The following DLG2 variants were observed in gnomAD, a reference collection of about 807,000 sequenced individuals.
The protein encoded by DLG2 is discs large MAGUK scaffold protein 2.
DLG2 carries 45 observed loss-of-function variants against 132.5 expected under a neutral mutation model. That is an observed-to-expected ratio of 0.34 (90% CI 0.27 to 0.44). The LOEUF (loss-of-function observed/expected upper bound fraction) is 0.44, where lower values mean the gene tolerates loss of function less well. Among genes scored for constraint, DLG2 ranks in the 20% least tolerant of loss-of-function variants. DLG2 has a pLI of 1.00. For synonymous variants in DLG2, 424 were observed against 419.6 expected, an observed-to-expected ratio of 1.01 and a Z score of -0.13; for missense variants, 1,045 against 1,196.9, an observed-to-expected ratio of 0.87 and a Z score of 1.87.
intron 11 of DLG2, among the ~76,000 whole-genome samples, chr11:84,041,046 G>A (rs2096064734): frequency 6.6e-6 from 1 of 151,596 alleles, no homozygotes; most frequent in East Asian, 1.9e-4. Context: ...GTATAAGAAT[G>A]CTTGTGATTT....
At chr11:84,614,642 C>T (rs2099600920) in intron 6 of DLG2, among the ~76,000 whole-genome samples, 1 of 152,082 alleles carries the variant, frequency 6.6e-6, no homozygotes, top group Non-Finnish European at 1.5e-5. Context: ...TAGTGAATGA[C>T]AAATATATAT....
At chr11:84,595,391 G>A (rs117555391) in intron 6 of DLG2, among the ~76,000 whole-genome samples, 5,530 of 151,880 alleles carry the variant, frequency 0.036, 146 homozygotes, top group Middle Eastern at 0.058. Context: ...GAGATTACAG[G>A]CATGAGCCAC....
intron 6 of DLG2, among the ~76,000 whole-genome samples, chr11:85,099,744 C>T (rs2070541366): frequency 6.6e-6 from 1 of 152,170 alleles, no homozygotes; most frequent in African/African-American, 2.4e-5. Flanking sequence ...AAATTAAGAG[C>T]ACTTGATGAT....
chr11:84,278,047 GTTTTTTT>G (rs55650627), intron 7 of DLG2, among the ~76,000 whole-genome samples: 9 of 99,606 alleles, frequency 9.0e-5, no homozygotes, highest in African/African-American at 2.3e-4. Flanking sequence ...GCCTGGCTAA[GTTTTTTT>G]TTTTTTTTTT....
chr11:84,163,451 T>G lies in DLG2; in HGVS notation c.624+10A>C, dbSNP rs372383200. ...ATTGGGGCTTTGGATTTTTCAAAATTTTTTCTTACCCTCTCCAGTGTAATT... is the reference window on the plus strand; with the variant it reads ...ATTGGGGCTTTGGATTTTTCAAAATGTTTTCTTACCCTCTCCAGTGTAATT... On this transcript the variant is annotated intron_variant, in intron 9 of 27. Transcript: ENST00000376104. 3.7e-6 allele frequency: 6 copies of G among 1,602,518 alleles called. No homozygotes were observed. Among genetic ancestry groups the G allele is most frequent in the Non-Finnish European group, 4.3e-6 (5 of 1,175,896 alleles).
chr11:85,126,286 T>A (rs949403799), intron 5 of DLG2, among the ~76,000 whole-genome samples: 1 of 152,110 alleles, frequency 6.6e-6, no homozygotes, highest in African/African-American at 2.4e-5. Context: ...GAAATTTAGG[T>A]TCTAAGTCAA....
intron 3 of DLG2, among the ~76,000 whole-genome samples, chr11:85,538,093 G>A (rs1299653560): frequency 6.6e-6 from 1 of 151,868 alleles, no homozygotes; most frequent in Non-Finnish European, 1.5e-5. Flanking sequence ...TCCAGCCTGG[G>A]TGACAGAGCG....
chr11:84,899,799 C>A (rs751054505), intron 6 of DLG2, among the ~76,000 whole-genome samples: 1 of 151,976 alleles, frequency 6.6e-6, no homozygotes, highest in Non-Finnish European at 1.5e-5. Flanking sequence ...CTTTAAGCAT[C>A]ACCTTGGGAA....
At chr11:85,615,538 G>C (rs1049837060) in intron 2 of DLG2, among the ~76,000 whole-genome samples, 2 of 151,842 alleles carry the variant, frequency 1.3e-5, no homozygotes, top group African/African-American at 4.8e-5. Flanking sequence ...ATTAAAAATT[G>C]CATCTTCAGC....
At chr11:84,628,525 A>G (rs914846619) in intron 6 of DLG2, among the ~76,000 whole-genome samples, 3 of 152,198 alleles carry the variant, frequency 2.0e-5, no homozygotes, top group Non-Finnish European at 2.9e-5. Context: ...CACTTTTATT[A>G]TAAGAACTAC....
chr11:85,524,033 A>C (rs1157755469), intron 3 of DLG2, among the ~76,000 whole-genome samples: 1 of 152,178 alleles, frequency 6.6e-6, no homozygotes, highest in African/African-American at 2.4e-5. Context: ...TAAAAATTAA[A>C]ACAACTGGAC....
At chr11:85,539,140 G>A (rs1033055026) in intron 3 of DLG2, among the ~76,000 whole-genome samples, 3 of 151,856 alleles carry the variant, frequency 2.0e-5, no homozygotes, top group Non-Finnish European at 4.4e-5. Flanking sequence ...ATCTAAATAG[G>A]TAGGCCTTGC....
At chr11:85,073,935 T>C (rs1015611849) in intron 6 of DLG2, among the ~76,000 whole-genome samples, 1 of 151,870 alleles carries the variant, frequency 6.6e-6, no homozygotes, top group South Asian at 2.1e-4. Flanking sequence ...AACAAGATAA[T>C]GTCCTTTGCA....
At chr11:83,801,844 G>A (rs776542000) in intron 17 of DLG2, among the ~76,000 whole-genome samples, 2 of 152,084 alleles carry the variant, frequency 1.3e-5, no homozygotes, top group Non-Finnish European at 1.5e-5. Flanking sequence ...ACTACACTAT[G>A]TAGATATTCA....
intron 8 of DLG2, among the ~76,000 whole-genome samples, chr11:84,206,262 T>A (rs1200284658): frequency 6.6e-6 from 1 of 152,080 alleles, no homozygotes; most frequent in Admixed American, 6.5e-5. Flanking sequence ...GTTTAAAAAC[T>A]CCACAAAGTA....
chr11:84,068,858 C>A (rs1313938516), intron 10 of DLG2, among the ~76,000 whole-genome samples: 1 of 152,078 alleles, frequency 6.6e-6, no homozygotes, highest in Non-Finnish European at 1.5e-5. Flanking sequence ...ACAGTAGAAA[C>A]TAAAGTTGAA....
rs11389028 is a variant in DLG2 at position 85,031,947 on chromosome 11, C to CTTTTT, written c.357+79709_357+79713dup. 2.5e-4 allele frequency among the ~76,000 whole-genome samples: 13 copies of CTTTTT among 51,850 alleles called. 1 individual carries two copies. The highest frequency in any genetic ancestry group is 7.8e-4 in the African/African-American group (9 of 11,578). 34.0% of individuals were successfully genotyped at this position (51,850 alleles called of 152,430 possible). On this transcript the variant is annotated intron_variant, in intron 6 of 27. Transcript: ENST00000376104. ...TACAAGTGTGTACCCTGACAACTGG[C>CTTTTT]TTTTTTTTTTTTTTTTTTTTTTTTT...
intron 6 of DLG2, among the ~76,000 whole-genome samples, chr11:84,827,298 C>G (rs1419280831): frequency 6.6e-6 from 1 of 151,148 alleles, no homozygotes; most frequent in Non-Finnish European, 1.5e-5. Context: ...ACAGTGATTA[C>G]ACAGAGACAG....
At chr11:84,410,274 A>G (rs1397813444) in intron 7 of DLG2, among the ~76,000 whole-genome samples, 1 of 152,180 alleles carries the variant, frequency 6.6e-6, no homozygotes, top group African/African-American at 2.4e-5. Context: ...CTGGTTAGGC[A>G]TGATAGATCA....
Sources: gnomAD v4.1 joint callset for allele counts (sites outside exome capture counted in the v4.1 genomes callset) on GRCh38, gnomAD v4.1.1 for gene constraint, MANE v1.5 for transcripts, NCBI Gene and HGNC (gene_info 2026-07-23, HGNC 2026-07-21) for gene names.